NECTIN2: variants seen among roughly 807,000 people sequenced by gnomAD.
The protein encoded by NECTIN2 is nectin cell adhesion molecule 2, also known as nectin-2.
Under a neutral mutation model 56.9 loss-of-function variants are expected in NECTIN2, and 23 were observed. That is an observed-to-expected ratio of 0.40 (90% confidence interval 0.29 to 0.57). NECTIN2 has a LOEUF of 0.57. Among genes scored for constraint, NECTIN2 ranks in the 20% least tolerant of loss-of-function variants. NECTIN2 has a pLI of 0.38. For synonymous variants in NECTIN2, 302 were observed against 313.8 expected (o/e 0.96, Z 0.40); for missense variants, 587 against 718.3 (o/e 0.82, Z 2.09).
At chr19:44,888,035 G>T (rs1282997749) in intron 8 of NECTIN2, 75 bp from the exon 9 acceptor site, 3 of 1,504,016 alleles carry the variant, frequency 2.0e-6, no homozygotes, top group African/African-American at 1.4e-5. Context: ...CAGGATTTTG[G>T]GGTCAAGAGC....
Position 44,854,080 on chromosome 19 carries a change from G to A in NECTIN2, c.88+7467G>A, listed in dbSNP as rs538000550. Among the ~76,000 whole-genome samples, 4 of 151,524 alleles carry A rather than the reference G, an allele frequency of 2.6e-5. No individual in the cohort carries two copies. In the East Asian group the frequency reaches 5.9e-4, roughly 22 times the overall value. ...GTATCTCGGGGTAAAAGAACCCCCC[G>A]AGGAGTGTGCCCCACAAGAAGCTAA... On this transcript the variant is annotated intron_variant, in intron 1 of 8. Transcript: ENST00000252483.
chr19:44,881,287 C>T (rs919443522), intron 5 of NECTIN2, among the ~76,000 whole-genome samples: 3 of 152,114 alleles, frequency 2.0e-5, no homozygotes, highest in African/African-American at 7.2e-5. Context: ...TCCCCGCATT[C>T]TCTGTCTTCT....
chr19:44,848,482 T>TA (rs1968862709), intron 1 of NECTIN2, among the ~76,000 whole-genome samples: 1 of 152,054 alleles, frequency 6.6e-6, no homozygotes, highest in African/African-American at 2.4e-5. Context: ...TCCTCCCTCG[T>TA]AAAAAAACTG....
chr19:44,874,671 G>A lies in NECTIN2; in HGVS notation c.1042+193G>A, dbSNP rs559881291. ...GACTGGGGTCTGGATTTGGGGTGTC[G>A]GGGTAGGTGAAGGCAGCAGAGTTGG... On this transcript the variant is annotated intron_variant, in intron 5 of 8. Coordinates refer to ENST00000252483, the MANE Select transcript of NECTIN2 (RefSeq NM_001042724.2). The surrounding 1 kb of genome is among the most constrained non-coding windows in gnomAD (Gnocchi z 6.3). 10 of 658,682 alleles carry A rather than the reference G, an allele frequency of 1.5e-5. No individual in the cohort carries two copies. Among genetic ancestry groups the A allele is most frequent in the Admixed American group, 5.7e-5 (2 of 35,052 alleles). 40.8% of individuals were successfully genotyped at this position (658,682 alleles called of 1,614,324 possible). A position where few individuals can be genotyped will look rare whatever the true frequency, so the allele number is the denominator to read the frequency against.
intron 5 of NECTIN2, among the ~76,000 whole-genome samples, chr19:44,880,307 A>G (rs1969293720): frequency 6.6e-6 from 1 of 152,064 alleles, no homozygotes; most frequent in East Asian, 1.9e-4. Context: ...TGTGTGCCGA[A>G]CCTCAGGCAC....
intron 3 of NECTIN2, among the ~76,000 whole-genome samples, chr19:44,872,735 G>A (rs1304544950): frequency 2.0e-5 from 3 of 150,388 alleles, no homozygotes; most frequent in Non-Finnish European, 3.0e-5. Flanking sequence ...CATCTATACT[G>A]AGTCTCCCAG....
At chr19:44,878,250 T>G (rs1041214083) in intron 5 of NECTIN2, 2 of 844,202 alleles carry the variant, frequency 2.4e-6, no homozygotes, top group African/African-American at 3.4e-5. Flanking sequence ...CCCCGAGATG[T>G]GGGCCCGCTG....
chr19:44,874,612 G>A lies in NECTIN2; in HGVS notation c.1042+134G>A. On this transcript the variant is annotated intron_variant, in intron 5 of 8. Transcript: ENST00000252483. This position sits in a 1 kb window ranked among gnomAD's most constrained non-coding sequence, Gnocchi z 6.3. ...GGGATGCAGACCTGCCTGGCTGAGG[G>A]GAGATGAGGGTTGGCCTTCCCCTCG... 1.7e-6 allele frequency: 2 copies of A among 1,158,186 alleles called. No homozygotes were observed. Among genetic ancestry groups the A allele is most frequent in the Admixed American group, 4.3e-5 (2 of 46,944 alleles). 71.7% of individuals were successfully genotyped at this position (1,158,186 alleles called of 1,614,324 possible).
At chr19:44,861,860 G>A (rs536609502) in intron 1 of NECTIN2, among the ~76,000 whole-genome samples, 4 of 152,308 alleles carry the variant, frequency 2.6e-5, no homozygotes, top group African/African-American at 9.6e-5. Context: ...TGCAGGCAAG[G>A]TTGTGGAGAA....
chr19:44,885,378 C>T (rs1969350053), intron 6 of NECTIN2, among the ~76,000 whole-genome samples: 1 of 144,050 alleles, frequency 6.9e-6, no homozygotes, highest in Non-Finnish European at 1.5e-5. Context: ...GTGGAGTGAT[C>T]TCATCTCACT....
intron 6 of NECTIN2, among the ~76,000 whole-genome samples, chr19:44,882,587 C>G (rs1457953564): frequency 2.0e-5 from 3 of 151,126 alleles, no homozygotes. Context: ...GTGGCTTACA[C>G]CTGCCATCCC....
chr19:44,880,920 G>A (rs959490739), intron 5 of NECTIN2, among the ~76,000 whole-genome samples: 5 of 151,698 alleles, frequency 3.3e-5, no homozygotes, highest in South Asian at 2.1e-4. Context: ...TTACAGGCGC[G>A]CGCTAGCATG....
intron 5 of NECTIN2, among the ~76,000 whole-genome samples, chr19:44,881,278 C>G (rs1374032114): frequency 6.6e-6 from 1 of 152,064 alleles, no homozygotes; most frequent in Non-Finnish European, 1.5e-5. Context: ...AGAATTCTGT[C>G]CCCGCATTCT....
chr19:44,880,476 T>C (rs1042909856), intron 5 of NECTIN2, among the ~76,000 whole-genome samples: 4 of 64,692 alleles, frequency 6.2e-5, no homozygotes, highest in African/African-American at 9.7e-5. Context: ...CTGTCTTGCC[T>C]TTTTTTTTTT....
At position 44,846,605 on chromosome 19, in the gene NECTIN2, T is replaced by C; in HGVS notation, c.80T>C (p.Leu27Pro). Residue 27 changes from leucine to proline, a missense_variant, in exon 1 of 9, where the codon CTG (leucine) becomes CCG (proline). Leu to Pro is a moderately conservative substitution (Grantham distance 98). Coordinates refer to ENST00000252483, the MANE Select transcript of NECTIN2 (RefSeq NM_001042724.2). ...TGGCCGCTGCTGCTGCTGCTGCTCC[T>C]GGAAACCGGTGAGACGAGCGGACGG... is the stretch of plus-strand genomic sequence containing the variant. ...LLWPLLLLLLLETGAQDVRVQ... is the reference protein window; with the variant it reads ...LLWPLLLLLLPETGAQDVRVQ... The C allele has an allele frequency of 6.6e-7, 1 of 1,525,510 alleles. No individual in the cohort carries two copies. 94.5% of individuals were successfully genotyped at this position (1,525,510 alleles called of 1,614,324 possible). A position where few individuals can be genotyped will look rare whatever the true frequency, so the allele number is the denominator to read the frequency against.
chr19:44,852,393 C>T (rs1182069208), intron 1 of NECTIN2, among the ~76,000 whole-genome samples: 2 of 151,326 alleles, frequency 1.3e-5, no homozygotes, highest in African/African-American at 4.9e-5. Flanking sequence ...AGCCACTGCA[C>T]CCAGCCTGTG....
In NECTIN2 at chr19:44,863,828, C is replaced by T. The variant is rs60007782; in HGVS notation, c.89-1443C>T. Among the ~76,000 whole-genome samples the T allele has an allele frequency of 7.4e-3, 1,002 of 135,672 alleles. 5 individuals carry two copies. Among genetic ancestry groups the T allele is most frequent in the African/African-American group, 0.024 (893 of 37,824 alleles). The allele number at this position is 135,672 out of a possible 152,430, so 89.0% of individuals were successfully genotyped here. The stretch of plus-strand genomic sequence containing the variant: ...CTGCACCCCAGCCTGGGCAACAGAG[C>T]GAGACTCAGTCTCAAAAAAAAAAAA... On this transcript the variant is annotated intron_variant, in intron 1 of 8. Transcript: ENST00000252483.
At chr19:44,882,027 C>T (rs927223457) in intron 5 of NECTIN2, 184 bp from the exon 6 acceptor site, 3 of 438,280 alleles carry the variant, frequency 6.8e-6, no homozygotes. Context: ...ACTCATCTCC[C>T]ATGCGGGGCA....
Position 44,873,973 on chromosome 19 carries a change from A to T in NECTIN2, c.833A>T (p.Asp278Val), listed in dbSNP as rs1350904164. 4.3e-6 allele frequency: 7 copies of T among 1,613,842 alleles called. No homozygotes were observed. Among genetic ancestry groups the T allele is most frequent in the African/African-American group, 2.7e-5 (2 of 74,846 alleles). The change falls in exon 4 of 9, where the codon GAT (aspartate) becomes GTT (valine). Residue 278 changes from aspartate to valine, a missense_variant. Coordinates refer to ENST00000252483, the MANE Select transcript of NECTIN2 (RefSeq NM_001042724.2). Reference sequence around the variant, plus strand: ...GACAACTGGTACCTCGGCCGTACTGATGCCACCCTGAGCTGTGACGTCCGC... The same window carrying T: ...GACAACTGGTACCTCGGCCGTACTGTTGCCACCCTGAGCTGTGACGTCCGC... ...YDDNWYLGRTDATLSCDVRSN... is the reference protein window; with the variant it reads ...YDDNWYLGRTVATLSCDVRSN...
Sources: gnomAD v4.1 joint callset for allele counts (sites outside exome capture counted in the v4.1 genomes callset) on GRCh38, gnomAD v4.1.1 for gene constraint, Gnocchi (gnomAD v3.1) non-coding constraint, MANE v1.5 for transcripts, NCBI Gene and HGNC (gene_info 2026-07-23, HGNC 2026-07-21) for gene names.